The following PLPPR1 variants were observed in gnomAD, a reference collection of about 807,000 sequenced individuals.
PLPPR1 encodes phospholipid phosphatase related 1, also known as phospholipid phosphatase-related protein type 1.
Under a neutral mutation model 33.1 loss-of-function variants are expected in PLPPR1, and 10 were observed. The observed-to-expected ratio is 0.30, with a 90% CI of 0.19 to 0.51. The LOEUF is 0.51. PLPPR1 is among the 20% of genes least tolerant of loss of function. The pLI, the probability that PLPPR1 is intolerant of heterozygous loss-of-function variation, is 0.97. For synonymous variants in PLPPR1, 151 were observed against 151.0 expected, an observed-to-expected ratio of 1.00 and a Z score of 0.00; for missense variants, 304 against 408.1, an observed-to-expected ratio of 0.74 and a Z score of 2.20.
intron 1 of PLPPR1, among the ~76,000 whole-genome samples, chr9:101,052,696 C>T (rs142125574): frequency 2.0e-5 from 3 of 152,134 alleles, no homozygotes. Context: ...GTATCCTCTG[C>T]TTAGGTCATA....
At chr9:101,070,486 G>T (rs1257483089) in intron 1 of PLPPR1, among the ~76,000 whole-genome samples, 1 of 151,992 alleles carries the variant, frequency 6.6e-6, no homozygotes, top group African/African-American at 2.4e-5. Flanking sequence ...AGCAGGTCTT[G>T]GTGGCTGAAG....
intron 4 of PLPPR1, among the ~76,000 whole-genome samples, chr9:101,289,842 G>T (rs975211406): frequency 1.1e-4 from 17 of 152,176 alleles, no homozygotes; most frequent in Non-Finnish European, 4.4e-5. Flanking sequence ...GAAAAGCAAA[G>T]ATAAACTTTG....
At chr9:101,094,174 C>T (rs1830785734) in intron 1 of PLPPR1, among the ~76,000 whole-genome samples, 1 of 152,186 alleles carries the variant, frequency 6.6e-6, no homozygotes, top group Non-Finnish European at 1.5e-5. Context: ...TTCTTAAAGA[C>T]CTTCAGTGGC....
At chr9:101,230,749 T>A (rs1313958583) in intron 2 of PLPPR1, among the ~76,000 whole-genome samples, 1 of 151,948 alleles carries the variant, frequency 6.6e-6, no homozygotes, top group Non-Finnish European at 1.5e-5. Context: ...GGGTGCTATT[T>A]TATCAACACC....
intron 2 of PLPPR1, among the ~76,000 whole-genome samples, chr9:101,235,879 G>T (rs899037735): frequency 2.0e-5 from 3 of 151,794 alleles, no homozygotes; most frequent in African/African-American, 7.2e-5. Context: ...CAGCTATGAA[G>T]TTATTCCATG....
At chr9:101,261,383 T>C (rs1245260147) in intron 2 of PLPPR1, among the ~76,000 whole-genome samples, 6 of 152,202 alleles carry the variant, frequency 3.9e-5, no homozygotes, top group Non-Finnish European at 8.8e-5. Context: ...CTGTGTATAG[T>C]AGACACTCAA....
At chr9:101,087,504 T>G (rs2118524947) in intron 1 of PLPPR1, among the ~76,000 whole-genome samples, 1 of 152,340 alleles carries the variant, frequency 6.6e-6, no homozygotes, top group Middle Eastern at 3.4e-3. Context: ...GTTTATAAAA[T>G]GTAGGATAAA....
intron 1 of PLPPR1, among the ~76,000 whole-genome samples, chr9:101,112,239 T>A (rs544282819): frequency 6.6e-6 from 1 of 152,328 alleles, no homozygotes; most frequent in South Asian, 2.1e-4. Flanking sequence ...CATTTCTATA[T>A]TGTTTTATGA....
At chr9:101,032,776 C>CA (rs1384419132) in intron 1 of PLPPR1, among the ~76,000 whole-genome samples, 2 of 152,030 alleles carry the variant, frequency 1.3e-5, no homozygotes, top group East Asian at 3.8e-4. Flanking sequence ...CAAATCAAAA[C>CA]AAAAAACATA....
At chr9:101,035,353 C>T (rs1269143396) in intron 1 of PLPPR1, among the ~76,000 whole-genome samples, 1 of 152,160 alleles carries the variant, frequency 6.6e-6, no homozygotes, top group Non-Finnish European at 1.5e-5. Flanking sequence ...TATACTCTGG[C>T]AAATACTTCT....
intron 2 of PLPPR1, among the ~76,000 whole-genome samples, chr9:101,254,701 T>C (rs1202203559): frequency 6.6e-5 from 10 of 151,258 alleles, no homozygotes; most frequent in Non-Finnish European, 8.9e-5. Context: ...AGAAAAGTAT[T>C]AGACATATAA....
At chr9:101,290,673 A>G (rs7018478) in intron 4 of PLPPR1, among the ~76,000 whole-genome samples, 13,588 of 152,212 alleles carry the variant, frequency 0.089, 679 homozygotes, top group South Asian at 0.13. Flanking sequence ...AGATATCTCT[A>G]ATTTTTTTAA....
At chr9:101,144,182 C>G (rs778621054) in intron 1 of PLPPR1, among the ~76,000 whole-genome samples, 2 of 151,910 alleles carry the variant, frequency 1.3e-5, no homozygotes, top group Non-Finnish European at 2.9e-5. Context: ...AACCAAACAC[C>G]GCATGTTCTC....
At chr9:101,310,419 G>A (rs1828933341) in intron 5 of PLPPR1, among the ~76,000 whole-genome samples, 1 of 152,128 alleles carries the variant, frequency 6.6e-6, no homozygotes, top group African/African-American at 2.4e-5. Context: ...TGGAAAGTGT[G>A]GGAATGGAAA....
intron 1 of PLPPR1, among the ~76,000 whole-genome samples, chr9:101,056,501 C>T (rs1277880593): frequency 1.3e-5 from 2 of 152,130 alleles, no homozygotes; most frequent in East Asian, 3.9e-4. Flanking sequence ...TTTATTATAG[C>T]ATGGGCTAGT....
intron 2 of PLPPR1, among the ~76,000 whole-genome samples, chr9:101,250,070 T>C (rs1415442298): frequency 6.6e-6 from 1 of 152,096 alleles, no homozygotes; most frequent in African/African-American, 2.4e-5. Flanking sequence ...AAAATGTTTT[T>C]TAAATGACTG....
At chr9:101,191,490 C>T (rs747332435) in intron 2 of PLPPR1, among the ~76,000 whole-genome samples, 2 of 151,966 alleles carry the variant, frequency 1.3e-5, no homozygotes, top group Non-Finnish European at 2.9e-5. Context: ...TTTCTTCCTC[C>T]TTCCTTTTTT....
chr9:101,174,659 G>T (rs1825993650), intron 1 of PLPPR1, among the ~76,000 whole-genome samples: 1 of 152,090 alleles, frequency 6.6e-6, no homozygotes, highest in African/African-American at 2.4e-5. Flanking sequence ...ACTTTGTAAT[G>T]GGTAATTATT....
intron 4 of PLPPR1, among the ~76,000 whole-genome samples, chr9:101,289,987 C>A (rs898298958): frequency 4.6e-5 from 7 of 152,148 alleles, no homozygotes; most frequent in Non-Finnish European, 2.9e-5. Flanking sequence ...GAGGTAATTT[C>A]TAAGAGAAAG....
Sources: gnomAD v4.1 joint callset for allele counts (sites outside exome capture counted in the v4.1 genomes callset) on GRCh38, gnomAD v4.1.1 for gene constraint, MANE v1.5 for transcripts, NCBI Gene and HGNC (gene_info 2026-07-23, HGNC 2026-07-21) for gene names.